KCNT2: variants seen among roughly 807,000 people sequenced by gnomAD.
The protein encoded by KCNT2 is potassium channel subfamily T member 2.
A neutral mutation model predicts 153.8 loss-of-function variants in KCNT2; 67 were observed. That is an observed-to-expected ratio of 0.44 (90% CI 0.36 to 0.53). The LOEUF is 0.53. Ranked by LOEUF, KCNT2 falls within the 20% of genes least tolerant of loss-of-function variation. The pLI is 0.00. For synonymous variants in KCNT2, 500 were observed against 458.8 expected (o/e 1.09, Z -1.15); for missense variants, 975 against 1,354.8 (o/e 0.72, Z 4.40).
At chr1:196,506,468 T>C (rs1357529238) in intron 1 of KCNT2, among the ~76,000 whole-genome samples, 1 of 152,162 alleles carries the variant, frequency 6.6e-6, no homozygotes, top group Non-Finnish European at 1.5e-5. Context: ...AATAAAGAAC[T>C]TCCTTATTTA....
intron 27 of KCNT2, among the ~76,000 whole-genome samples, chr1:196,231,777 A>C (rs1187136215): frequency 6.6e-6 from 1 of 151,876 alleles, no homozygotes; most frequent in Non-Finnish European, 1.5e-5. Flanking sequence ...ACAGGTAATG[A>C]ATGACCTTAA....
intron 25 of KCNT2, among the ~76,000 whole-genome samples, chr1:196,275,439 T>A (rs771430443): frequency 1.9e-4 from 29 of 151,722 alleles, no homozygotes; most frequent in Non-Finnish European, 3.7e-4. Flanking sequence ...CTTTCACTAA[T>A]CTACATCACA....
At position 196,597,037 on chromosome 1, in the gene KCNT2, C is replaced by G. The variant is rs148188775; in HGVS notation, c.95+11178G>C. Among the ~76,000 whole-genome samples, 561 of 152,174 alleles carry G rather than the reference C, an allele frequency of 3.7e-3. 4 individuals carry two copies. Among genetic ancestry groups the G allele is most frequent in the African/African-American group, 0.013 (525 of 41,510 alleles). Reference sequence around the variant, plus strand: ...AATAGAACATTAAATTGTATATTTACTTTGGGCACTTGTGGAAAAAGAAAA... The same window carrying G: ...AATAGAACATTAAATTGTATATTTAGTTTGGGCACTTGTGGAAAAAGAAAA... On this transcript the variant is annotated intron_variant, in intron 1 of 27. Coordinates refer to ENST00000294725, the MANE Select transcript of KCNT2 (RefSeq NM_198503.5).
rs1280419340 is a variant in KCNT2 at position 196,316,008 on chromosome 1, C to T, written c.2367G>A (p.Arg789=). The T allele has an allele frequency of 1.2e-6, 2 of 1,610,238 alleles. No individual in the cohort carries two copies. Residue 789 remains arginine, a synonymous_variant, in exon 21 of 28, where the codon AGG becomes AGA. Transcript: ENST00000294725. The stretch of plus-strand genomic sequence containing the variant: ...TATTAGCAGCAAAAGTCACTCCACA[C>T]CTGAGTAAGTCATCTAGGCTTTGAT... The part of the protein sequence containing the change: ...GSIDNLDDLL[R]CGVTFAANMV...
chr1:196,238,806 T>G (rs1467382625), intron 26 of KCNT2, among the ~76,000 whole-genome samples: 1 of 151,980 alleles, frequency 6.6e-6, no homozygotes, highest in Non-Finnish European at 1.5e-5. Flanking sequence ...GCTGTGTACA[T>G]GTACCCGAGA....
chr1:196,480,177 T>A (rs1678886637), intron 4 of KCNT2, among the ~76,000 whole-genome samples: 1 of 152,136 alleles, frequency 6.6e-6, no homozygotes, highest in Non-Finnish European at 1.5e-5. Context: ...GATAGATAAA[T>A]AGAATCAAAT....
chr1:196,323,244 G>A (rs1290929064), intron 19 of KCNT2, among the ~76,000 whole-genome samples: 1 of 151,942 alleles, frequency 6.6e-6, no homozygotes, highest in Admixed American at 6.6e-5. Flanking sequence ...GGCACCATAT[G>A]TGGAAAGAAG....
chr1:196,404,368 G>A (rs1300388909), intron 12 of KCNT2, among the ~76,000 whole-genome samples: 2 of 151,508 alleles, frequency 1.3e-5, no homozygotes, highest in African/African-American at 4.8e-5. Context: ...ATTGTTGTAC[G>A]TGGCTACTTA....
intron 1 of KCNT2, among the ~76,000 whole-genome samples, chr1:196,500,892 G>A (rs188507594): frequency 5.3e-4 from 81 of 152,258 alleles, no homozygotes; most frequent in African/African-American, 1.9e-3. Flanking sequence ...CAAAGGATAT[G>A]AACAGACATT....
Position 196,342,059 on chromosome 1 carries a change from T to G in KCNT2, c.1553+20A>C. The G allele has an allele frequency of 6.3e-7, 1 of 1,590,016 alleles. No homozygotes were observed. Among genetic ancestry groups the G allele is most frequent in the Non-Finnish European group, 8.6e-7 (1 of 1,168,322 alleles). On this transcript the variant is annotated intron_variant, in intron 15 of 27. Coordinates refer to ENST00000294725, the MANE Select transcript of KCNT2 (RefSeq NM_198503.5). ...CTTGACTGATTGATATTTTAATTTT[T>G]CTCTGAGGCAGAAACATACTTTTTG... is the stretch of plus-strand genomic sequence containing the variant.
Position 196,398,641 on chromosome 1 carries a change from C to T in KCNT2, c.1216G>A (p.Val406Met). ...GGACAATTTGGAGCAAAATCTTTCA[C>T]AGCCCATGCTCTCAAAATTGTTTGG... ...DHQTILRAWA[V>M]KDFAPNCPLY... Residue 406 changes from valine to methionine, a missense_variant, in exon 13 of 28, where the codon GTG (valine) becomes ATG (methionine). Transcript: ENST00000294725. 1.2e-6 allele frequency: 2 copies of T among 1,605,808 alleles called. No individual in the cohort carries two copies. The highest frequency in any genetic ancestry group is 1.7e-6 in the Non-Finnish European group (2 of 1,173,806).
intron 12 of KCNT2, among the ~76,000 whole-genome samples, chr1:196,416,183 T>G (rs76869331): frequency 0.03 from 4,561 of 152,070 alleles, 217 homozygotes; most frequent in African/African-American, 0.1. Flanking sequence ...TCTTGAAGTA[T>G]TGCAGTGCTT....
chr1:196,356,820 G>A (rs1667211942), intron 14 of KCNT2, among the ~76,000 whole-genome samples: 1 of 151,726 alleles, frequency 6.6e-6, no homozygotes, highest in Non-Finnish European at 1.5e-5. Context: ...TCAGACTTGT[G>A]GTGAATTGGT....
intron 19 of KCNT2, among the ~76,000 whole-genome samples, chr1:196,322,624 G>A (rs1373721219): frequency 2.6e-5 from 4 of 151,818 alleles, no homozygotes; most frequent in Non-Finnish European, 5.9e-5. Context: ...ATATTAGTCA[G>A]TGACTGTTAG....
chr1:196,435,844 C>T (rs925985868), intron 8 of KCNT2, among the ~76,000 whole-genome samples: 5 of 151,602 alleles, frequency 3.3e-5, no homozygotes, highest in African/African-American at 1.2e-4. Context: ...CAACTACTTC[C>T]CTTTTTATTA....
intron 22 of KCNT2, among the ~76,000 whole-genome samples, chr1:196,298,472 G>C (rs1660879122): frequency 6.6e-6 from 1 of 152,200 alleles, no homozygotes; most frequent in African/African-American, 2.4e-5. Context: ...GAAAAAGCAT[G>C]TGGAGGAAAG....
intron 1 of KCNT2, among the ~76,000 whole-genome samples, chr1:196,548,753 C>A (rs1252003725): frequency 1.3e-5 from 2 of 152,040 alleles, no homozygotes; most frequent in Non-Finnish European, 2.9e-5. Flanking sequence ...TTGGAACCAA[C>A]CCAAATGTCC....
intron 13 of KCNT2, among the ~76,000 whole-genome samples, chr1:196,381,789 C>T (rs1288598291): frequency 2.6e-5 from 4 of 152,104 alleles, no homozygotes. Flanking sequence ...CCAAGCTCCC[C>T]GAACACCTGT....
At chr1:196,449,505 G>A (rs992319818) in intron 8 of KCNT2, among the ~76,000 whole-genome samples, 8 of 151,558 alleles carry the variant, frequency 5.3e-5, no homozygotes, top group Admixed American at 5.3e-4. Flanking sequence ...ATGTAACCCT[G>A]GTATATTAAC....
Sources: gnomAD v4.1 joint callset for allele counts (sites outside exome capture counted in the v4.1 genomes callset) on GRCh38, gnomAD v4.1.1 for gene constraint, MANE v1.5 for transcripts, NCBI Gene and HGNC (gene_info 2026-07-23, HGNC 2026-07-21) for gene names.